ADGRA3: variants seen among roughly 807,000 people sequenced by gnomAD.
ADGRA3 encodes the protein G-protein coupled receptor 125.
Under a neutral mutation model 119.8 loss-of-function variants are expected in ADGRA3, and 56 were observed. The ratio of observed to expected loss-of-function variants is 0.47; its 90% CI spans 0.38 to 0.58. The LOEUF is 0.58. Ranked by LOEUF, ADGRA3 falls within the 20% of genes least tolerant of loss-of-function variation. The pLI, the probability that ADGRA3 is intolerant of heterozygous loss-of-function variation, is 0.00. For missense variants in ADGRA3, 1,516 were observed against 1,649.0 expected, an observed-to-expected ratio of 0.92 and a Z score of 1.40; for synonymous variants, 607 against 623.8, an observed-to-expected ratio of 0.97 and a Z score of 0.40.
At chr4:22,487,169 A>C (rs1718459104) in intron 1 of ADGRA3, among the ~76,000 whole-genome samples, 1 of 152,182 alleles carries the variant, frequency 6.6e-6, no homozygotes, top group Admixed American at 6.5e-5. Flanking sequence ...AACATGGTAA[A>C]ATAACTCAAA....
intron 1 of ADGRA3, among the ~76,000 whole-genome samples, chr4:22,501,995 T>C (rs1354567298): frequency 5.9e-5 from 9 of 152,198 alleles, no homozygotes; most frequent in Non-Finnish European, 1.0e-4. Context: ...GTTCTTTAAG[T>C]AGGCAATAAT....
At chr4:22,475,165 T>G (rs78327719) in intron 1 of ADGRA3, among the ~76,000 whole-genome samples, 14,489 of 152,240 alleles carry the variant, frequency 0.095, 784 homozygotes, top group African/African-American at 0.12. Context: ...ATGTTGACTT[T>G]AGGCGAGTCA....
chr4:22,415,712 A>C (rs2109027070), intron 12 of ADGRA3, among the ~76,000 whole-genome samples: 1 of 152,320 alleles, frequency 6.6e-6, no homozygotes, highest in East Asian at 1.9e-4. Flanking sequence ...AGTAACGATA[A>C]ATCAAATTGA....
rs1182184811 is a variant in ADGRA3, at chr4:22,503,715, T to C, written c.257+11813A>G. The stretch of plus-strand genomic sequence containing the variant: ...GGAACCATGTATTCTAACTGAGAAA[T>C]GTCCTCATATTGGGAGTGAATTTAA... On this transcript the variant is annotated intron_variant, in intron 1 of 18. Coordinates refer to ENST00000334304, the MANE Select transcript of ADGRA3 (RefSeq NM_145290.4). 5.3e-5 allele frequency among the ~76,000 whole-genome samples: 8 copies of C among 152,108 alleles called. No individual in the cohort carries two copies. In the South Asian group the frequency reaches 6.2e-4, roughly 12 times the overall value.
At position 22,392,647 on chromosome 4, in the gene ADGRA3, C is replaced by G. The variant is rs1714182733; in HGVS notation, c.2525G>C (p.Trp842Ser). ...LHYSTLATVL[W>S]VGVTARNIYK... ...GATATTTCGAGCTGTCACTCCTACC[C>G]ATAGTACTGTGGCAAGGGTGGAATA... Residue 842 changes from tryptophan (W) to serine (S), a missense_variant, in exon 17 of 19, where the codon TGG becomes TCG. By Grantham distance (177) the Trp-to-Ser change is radical (BLOSUM62 -3). This residue lies in a region of ADGRA3 where 1,088 missense variants were observed against 1,107.1 expected (regional missense o/e 0.98). Coordinates refer to ENST00000334304, the MANE Select transcript of ADGRA3 (RefSeq NM_145290.4). The G allele has an allele frequency of 6.2e-7, 1 of 1,613,644 alleles. No individual in the cohort carries two copies. The highest frequency in any genetic ancestry group is 1.7e-5 in the Admixed American group (1 of 59,982).
intron 10 of ADGRA3, among the ~76,000 whole-genome samples, chr4:22,427,573 G>A (rs1249203422): frequency 6.6e-6 from 1 of 152,182 alleles, no homozygotes; most frequent in Non-Finnish European, 1.5e-5. Context: ...GCTAAGAATG[G>A]AGGAAAGGGA....
At chr4:22,454,119 G>A (rs559224127) in intron 4 of ADGRA3, among the ~76,000 whole-genome samples, 105 of 152,066 alleles carry the variant, frequency 6.9e-4, no homozygotes, top group African/African-American at 2.4e-3. Flanking sequence ...CCTCGGCCTC[G>A]CAAAGTGCTG....
intron 1 of ADGRA3, among the ~76,000 whole-genome samples, chr4:22,479,589 G>A (rs986100012): frequency 2.0e-4 from 30 of 152,096 alleles, no homozygotes; most frequent in East Asian, 1.9e-4. Context: ...ACAGCATGGC[G>A]ATTCCTCAAG....
rs1205159846 is a variant in ADGRA3, at chr4:22,389,165, A to T, written c.2646T>A (p.Gly882=). Reference sequence around the variant, plus strand: ...TGCCGCAAACAATGATGGGGATACCACCACCAATCAGGTAAAATCTAGAAG... The same window carrying T: ...TGCCGCAAACAATGATGGGGATACCTCCACCAATCAGGTAAAATCTAGAAG... ...RPMLRFYLIG[G]GIPIIVCGIT... is the part of the protein sequence containing the mutation. The change falls in exon 18 of 19, where the codon GGT becomes GGA. Residue 882 remains glycine, a synonymous_variant. Coordinates refer to ENST00000334304, the MANE Select transcript of ADGRA3 (RefSeq NM_145290.4). 6.2e-7 allele frequency: 1 copy of T among 1,613,026 alleles called. No individual in the cohort carries two copies. The highest frequency in any genetic ancestry group is 8.5e-7 in the Non-Finnish European group (1 of 1,179,270).
chr4:22,392,771 A>G (rs1203300115), intron 16 of ADGRA3, 81 bp from the exon 17 acceptor site: 1 of 1,323,470 alleles, frequency 7.6e-7, no homozygotes, highest in Non-Finnish European at 1.0e-6. Context: ...AGTAACTCAG[A>G]AGTCTGATTT....
chr4:22,496,591 T>A (rs1229261746), intron 1 of ADGRA3, among the ~76,000 whole-genome samples: 1 of 152,210 alleles, frequency 6.6e-6, no homozygotes, highest in Non-Finnish European at 1.5e-5. Flanking sequence ...GAGCACACTT[T>A]GGAAATTATG....
At chr4:22,391,550 G>T (rs188430030) in intron 17 of ADGRA3, among the ~76,000 whole-genome samples, 20 of 152,136 alleles carry the variant, frequency 1.3e-4, no homozygotes, top group East Asian at 1.2e-3. Flanking sequence ...CTTCATGGGG[G>T]CTGCCCTAAT....
At chr4:22,437,048 A>G (rs960992209) in intron 8 of ADGRA3, among the ~76,000 whole-genome samples, 6 of 152,208 alleles carry the variant, frequency 3.9e-5, no homozygotes, top group African/African-American at 1.4e-4. Flanking sequence ...TAATTGCTCT[A>G]TTTTTAAAAA....
intron 1 of ADGRA3, among the ~76,000 whole-genome samples, chr4:22,492,173 G>A (rs527333209): frequency 6.6e-6 from 1 of 152,058 alleles, no homozygotes; most frequent in Non-Finnish European, 1.5e-5. Flanking sequence ...GGAATGCGGA[G>A]GCGAAAAAGC....
intron 2 of ADGRA3, among the ~76,000 whole-genome samples, chr4:22,470,589 G>A (rs529204747): frequency 5.9e-4 from 90 of 152,068 alleles, no homozygotes; most frequent in Non-Finnish European, 1.1e-3. Flanking sequence ...TCTGCCAACC[G>A]TCTTTTACAC....
At chr4:22,468,769 A>G (rs867713968) in intron 2 of ADGRA3, among the ~76,000 whole-genome samples, 13 of 139,436 alleles carry the variant, frequency 9.3e-5, no homozygotes, top group South Asian at 4.5e-4. Flanking sequence ...ACTCTGTCTC[A>G]AAAAAAAAAA....
At chr4:22,502,371 G>A (rs944332437) in intron 1 of ADGRA3, among the ~76,000 whole-genome samples, 6 of 152,166 alleles carry the variant, frequency 3.9e-5, no homozygotes, top group African/African-American at 1.4e-4. Flanking sequence ...GCGGTATATA[G>A]GCCACATATA....
chr4:22,421,170 A>G, intron 11 of ADGRA3, 81 bp from the exon 12 acceptor site: 1 of 1,159,492 alleles, frequency 8.6e-7, no homozygotes. Flanking sequence ...TCAAACACAA[A>G]ACACTATGCA....
rs751180630 is a variant in ADGRA3 at position 22,413,207 on chromosome 4, G to T, written c.2207C>A (p.Ser736Tyr). The change falls in exon 14 of 19, where the codon TCC becomes TAC. Residue 736 changes from serine (S) to tyrosine (Y), a missense_variant. Ser to Tyr is a moderately radical substitution (Grantham distance 144). This residue lies in a region of ADGRA3 where 1,088 missense variants were observed against 1,107.1 expected (regional missense o/e 0.98). Coordinates refer to ENST00000334304, the MANE Select transcript of ADGRA3 (RefSeq NM_145290.4). ...CATTAAAACTGCATAGTTACTAAGG[G>T]AGTAGCACTGAATCGTAGTGATATT... ...DENITTIQCYSLSNYAVLMDL... is the reference protein window; with the variant it reads ...DENITTIQCYYLSNYAVLMDL... 1 of 1,613,542 alleles carries T rather than the reference G, an allele frequency of 6.2e-7. No homozygotes were observed. Among genetic ancestry groups the T allele is most frequent in the East Asian group, 2.2e-5 (1 of 44,870 alleles).
Sources: allele counts gnomAD v4.1 joint callset (sites outside exome capture counted in the v4.1 genomes callset), GRCh38; gene constraint gnomAD v4.1.1; regional missense constraint gnomAD v4.1.1; transcripts MANE v1.5; gene names NCBI Gene and HGNC (gene_info 2026-07-23, HGNC 2026-07-21).